The following PDE5A variants were observed in gnomAD, a reference collection of about 807,000 sequenced individuals.
PDE5A encodes the protein phosphodiesterase 5A.
PDE5A carries 67 observed loss-of-function variants against 110.2 expected under a neutral mutation model. That is an observed-to-expected ratio of 0.61 (90% CI 0.50 to 0.75). PDE5A has a LOEUF of 0.75. Among genes scored for constraint, PDE5A ranks in the 30% least tolerant of loss-of-function variants. PDE5A has a pLI of 0.00. For synonymous variants in PDE5A, 328 were observed against 351.2 expected (o/e 0.93, Z 0.74); for missense variants, 862 against 1,045.1 (o/e 0.82, Z 2.42).
At chr4:119,621,837 A>G (rs1187867488) in intron 1 of PDE5A, among the ~76,000 whole-genome samples, 1 of 152,232 alleles carries the variant, frequency 6.6e-6, no homozygotes, top group Admixed American at 6.5e-5. Flanking sequence ...TAAATCAAAA[A>G]GAATGTCTTT....
rs1269033347 is a variant in PDE5A at position 119,553,805 on chromosome 4, A to G, written c.1200-59T>C. 3.6e-6 allele frequency: 3 copies of G among 832,090 alleles called. No homozygotes were observed. The African/African-American group carries it at 5.1e-5, about 14-fold the overall frequency. 51.5% of individuals were successfully genotyped at this position (832,090 alleles called of 1,614,324 possible). Reference sequence around the variant, plus strand: ...CAGTTAAAAAAAAGCATGGGCAAACAGTTAAATAAATGATTAAGGGAGAAA... The same window carrying G: ...CAGTTAAAAAAAAGCATGGGCAAACGGTTAAATAAATGATTAAGGGAGAAA... On this transcript the variant is annotated intron_variant, in intron 7 of 20. Transcript: ENST00000354960.
intron 11 of PDE5A, among the ~76,000 whole-genome samples, chr4:119,537,230 G>A (rs906856706): frequency 3.3e-5 from 5 of 151,772 alleles, no homozygotes; most frequent in South Asian, 2.1e-4. Flanking sequence ...CACATGATTC[G>A]GGCAACATCC....
intron 7 of PDE5A, among the ~76,000 whole-genome samples, chr4:119,557,695 A>G (rs1727590293): frequency 1.3e-5 from 2 of 152,186 alleles, no homozygotes; most frequent in Admixed American, 1.3e-4. Flanking sequence ...CAATCCTACT[A>G]CCACTACAGA....
chr4:119,560,175 A>G (rs1397410089), intron 7 of PDE5A, 121 bp downstream of exon 7: 1 of 601,728 alleles, frequency 1.7e-6, no homozygotes, highest in African/African-American at 1.9e-5. Context: ...AATGTGAGAA[A>G]AGACAAGAGA....
At chr4:119,523,239 A>T (rs1726193672) in intron 12 of PDE5A, among the ~76,000 whole-genome samples, 3 of 152,012 alleles carry the variant, frequency 2.0e-5, no homozygotes, top group Non-Finnish European at 4.4e-5. Context: ...AAAAAGTGAA[A>T]ATAAGCACAG....
chr4:119,548,817 T>G (rs1727234671), intron 9 of PDE5A: 1 of 152,220 alleles, frequency 6.6e-6, no homozygotes, highest in African/African-American at 2.4e-5. Context: ...CCCTACAGTC[T>G]TATTTCCTTG....
intron 3 of PDE5A, among the ~76,000 whole-genome samples, chr4:119,567,544 A>G (rs1578783163): frequency 6.6e-6 from 1 of 152,196 alleles, no homozygotes; most frequent in African/African-American, 2.4e-5. Flanking sequence ...TAATATTCCA[A>G]AACGGCTAAA....
chr4:119,582,825 C>T (rs1341305703), intron 3 of PDE5A, among the ~76,000 whole-genome samples: 1 of 152,186 alleles, frequency 6.6e-6, no homozygotes. Context: ...TTTCCCTGAG[C>T]ACTAGGTCTC....
At chr4:119,608,060 T>C (rs930759499) in intron 1 of PDE5A, among the ~76,000 whole-genome samples, 1 of 152,230 alleles carries the variant, frequency 6.6e-6, no homozygotes, top group African/African-American at 2.4e-5. Context: ...TAGATAGTTA[T>C]ATCTATATTG....
At chr4:119,596,733 T>G (rs1203110181) in intron 2 of PDE5A, 121 bp from the exon 3 acceptor site, 3 of 481,924 alleles carry the variant, frequency 6.2e-6, no homozygotes, top group South Asian at 5.2e-5. Flanking sequence ...TGAGTAACAA[T>G]TTTATTGTTG....
chr4:119,595,673 C>A (rs1278437618), intron 3 of PDE5A, among the ~76,000 whole-genome samples: 1 of 152,226 alleles, frequency 6.6e-6, no homozygotes, highest in East Asian at 1.9e-4. Context: ...ACCAGCAAAT[C>A]TCCCATTTCT....
In PDE5A at chr4:119,607,230, C is replaced by T. The variant is rs1211526997; in HGVS notation, c.220G>A (p.Gly74Ser). Reference protein sequence around the residue: ...TIPVCKEGIRGHTESCSCPLQ... With the variant: ...TIPVCKEGIRSHTESCSCPLQ... The stretch of plus-strand genomic sequence containing the variant: ...GGACAAGAGCAAGATTCGGTGTGGC[C>T]TCTGATACCTTCCTTGCACACAGGG... Residue 74 changes from glycine (G) to serine (S), a missense_variant, in exon 2 of 21, where the codon GGC becomes AGC. Coordinates refer to ENST00000354960, the MANE Select transcript of PDE5A (RefSeq NM_001083.4). The T allele has an allele frequency of 6.2e-7, 1 of 1,614,024 alleles. No individual in the cohort carries two copies. Among genetic ancestry groups the T allele is most frequent in the South Asian group, 1.1e-5 (1 of 91,076 alleles).
chr4:119,590,502 A>T (rs1242051385), intron 3 of PDE5A, among the ~76,000 whole-genome samples: 1 of 151,894 alleles, frequency 6.6e-6, no homozygotes, highest in African/African-American at 2.4e-5. Flanking sequence ...TTCTTTTTCC[A>T]CTTTGCCCAT....
intron 1 of PDE5A, among the ~76,000 whole-genome samples, chr4:119,617,139 C>T (rs1433841611): frequency 6.6e-6 from 1 of 151,974 alleles, no homozygotes; most frequent in Non-Finnish European, 1.5e-5. Flanking sequence ...CAAAACCTTC[C>T]CCCCTTTCCA....
intron 14 of PDE5A, among the ~76,000 whole-genome samples, 177 bp from the exon 15 acceptor site, chr4:119,511,311 A>AAG (rs910703723): frequency 6.6e-6 from 1 of 152,110 alleles, no homozygotes; most frequent in Non-Finnish European, 1.5e-5. Flanking sequence ...AACAAATACA[A>AAG]AGAGTCAAAT....
At chr4:119,556,389 TC>T (rs1041209369) in intron 7 of PDE5A, among the ~76,000 whole-genome samples, 4 of 152,276 alleles carry the variant, frequency 2.6e-5, no homozygotes, top group African/African-American at 9.6e-5. Flanking sequence ...TGGAGCTGCA[TC>T]CTTGACCCTG....
chr4:119,558,104 TA>T (rs1215127395), intron 7 of PDE5A, among the ~76,000 whole-genome samples: 1 of 152,156 alleles, frequency 6.6e-6, no homozygotes, highest in East Asian at 1.9e-4. Flanking sequence ...TTTTTCCTTC[TA>T]ATTGGGTGGC....
intron 3 of PDE5A, among the ~76,000 whole-genome samples, chr4:119,577,993 A>T (rs1490159176): frequency 6.6e-6 from 1 of 152,258 alleles, no homozygotes; most frequent in Non-Finnish European, 1.5e-5. Flanking sequence ...GCAAAGTCTC[A>T]GGACACAAAA....
At chr4:119,527,591 A>C (rs1288172548) in intron 11 of PDE5A, among the ~76,000 whole-genome samples, 1 of 152,106 alleles carries the variant, frequency 6.6e-6, no homozygotes, top group Non-Finnish European at 1.5e-5. Context: ...ACATTTTACT[A>C]ATAGCAGGAA....
Sources: allele counts gnomAD v4.1 joint callset (sites outside exome capture counted in the v4.1 genomes callset), GRCh38; gene constraint gnomAD v4.1.1; transcripts MANE v1.5; gene names NCBI Gene and HGNC (gene_info 2026-07-23, HGNC 2026-07-21).